NCK2: variants seen among roughly 807,000 people sequenced by gnomAD.
The protein encoded by NCK2 is cytoplasmic protein NCK2.
In NCK2, 16 loss-of-function variants were observed where a neutral mutation model predicts 33.9. The observed-to-expected ratio is 0.47, with a 90% confidence interval of 0.32 to 0.72. NCK2 has a LOEUF of 0.72. Ranked by LOEUF, NCK2 falls within the 30% of genes least tolerant of loss-of-function variation. NCK2 has a pLI of 0.03. For synonymous variants in NCK2, 273 were observed against 239.9 expected, an observed-to-expected ratio of 1.14 and a Z score of -1.27; for missense variants, 418 against 537.3, an observed-to-expected ratio of 0.78 and a Z score of 2.19.
At chr2:105,815,080 A>G (rs1338459703) in intron 1 of NCK2, among the ~76,000 whole-genome samples, 2 of 152,156 alleles carry the variant, frequency 1.3e-5, no homozygotes, top group African/African-American at 4.8e-5. Flanking sequence ...CAATACTTCC[A>G]TCTCGAGAGG....
At chr2:105,808,645 AGCGTCTTCAG>A (rs1675176064) in intron 1 of NCK2, among the ~76,000 whole-genome samples, 2 of 152,340 alleles carry the variant, frequency 1.3e-5, no homozygotes, top group South Asian at 4.1e-4. Flanking sequence ...TGGATCACCC[AGCGTCTTCAG>A]TGCATTGTCA....
chr2:105,852,657 T>A (rs1165174744), intron 2 of NCK2, among the ~76,000 whole-genome samples: 1 of 152,174 alleles, frequency 6.6e-6, no homozygotes. Context: ...CTTGTGGAAA[T>A]TGTGTAATTA....
At chr2:105,751,342 G>A (rs1190710268) in intron 1 of NCK2, among the ~76,000 whole-genome samples, 1 of 152,034 alleles carries the variant, frequency 6.6e-6, no homozygotes, top group Non-Finnish European at 1.5e-5. Flanking sequence ...GTTTCCCCTG[G>A]ACATCAAAAC....
intron 1 of NCK2, among the ~76,000 whole-genome samples, chr2:105,775,030 T>TATA (rs951063801): frequency 1.3e-5 from 2 of 151,802 alleles, no homozygotes; most frequent in Non-Finnish European, 2.9e-5. Flanking sequence ...ATAATAATAA[T>TATA]ATAATAATAA....
chr2:105,882,104 G>T, intron 4 of NCK2, 55 bp downstream of exon 4: 2 of 1,448,584 alleles, frequency 1.4e-6, no homozygotes, highest in Non-Finnish European at 1.8e-6. Flanking sequence ...GCCTTGCGCG[G>T]TGGGTCTGTG....
chr2:105,758,681 G>A (rs917901493), intron 1 of NCK2, among the ~76,000 whole-genome samples: 1 of 152,050 alleles, frequency 6.6e-6, no homozygotes, highest in Non-Finnish European at 1.5e-5. Flanking sequence ...GTGCTGGGAT[G>A]ACAGGTTTGA....
At chr2:105,835,700 C>G (rs910910138) in intron 2 of NCK2, among the ~76,000 whole-genome samples, 1 of 151,800 alleles carries the variant, frequency 6.6e-6, no homozygotes, top group Non-Finnish European at 1.5e-5. Context: ...CCTGCTATTA[C>G]TTTATTAAAG....
At chr2:105,883,001 C>A (rs1288092900) in intron 4 of NCK2, among the ~76,000 whole-genome samples, 1 of 152,148 alleles carries the variant, frequency 6.6e-6, no homozygotes, top group Non-Finnish European at 1.5e-5. Flanking sequence ...TTCAAGGGTC[C>A]TGTTGACTGA....
At chr2:105,823,132 CTGTGTGTGTGTGTGTGTG>C (rs10610689) in intron 2 of NCK2, among the ~76,000 whole-genome samples, 47 of 148,478 alleles carry the variant, frequency 3.2e-4, no homozygotes, top group Non-Finnish European at 4.5e-4. Flanking sequence ...TCCTCTCATG[CTGTGTGTGTGTGTGTGTG>C]TGTGTGTGTG....
rs180929484 is a variant in NCK2, at chr2:105,871,103, G to A, written c.227-10225G>A. ...GCCTGGAGGGTCGATGAGTGCGTGT[G>A]AAATCGGGGTGATGAGACAGCGAGT... On this transcript the variant is annotated intron_variant, in intron 3 of 4. Transcript: ENST00000233154. Among the ~76,000 whole-genome samples the A allele has an allele frequency of 4.8e-4, 73 of 152,278 alleles. 1 individual carries two copies. The highest frequency in any genetic ancestry group is 1.7e-3 in the African/African-American group (71 of 41,542).
chr2:105,794,608 G>C (rs1401875564), intron 1 of NCK2, among the ~76,000 whole-genome samples: 1 of 151,976 alleles, frequency 6.6e-6, no homozygotes, highest in Non-Finnish European at 1.5e-5. Context: ...ATTCCTCTCT[G>C]TACTTAAGCC....
chr2:105,815,046 T>G (rs1318382650), intron 1 of NCK2, among the ~76,000 whole-genome samples: 1 of 152,216 alleles, frequency 6.6e-6, no homozygotes, highest in Non-Finnish European at 1.5e-5. Context: ...CAAGAACTCT[T>G]GGTCAAGAAC....
At chr2:105,823,764 CTTCTCAGA>C (rs770579775) in intron 2 of NCK2, among the ~76,000 whole-genome samples, 1 of 152,074 alleles carries the variant, frequency 6.6e-6, no homozygotes, top group Non-Finnish European at 1.5e-5. Context: ...GCCTTCTCAG[CTTCTCAGA>C]GTCACACCTG....
intron 1 of NCK2, among the ~76,000 whole-genome samples, chr2:105,775,592 C>G (rs1690272232): frequency 6.6e-6 from 1 of 152,118 alleles, no homozygotes; most frequent in Non-Finnish European, 1.5e-5. Flanking sequence ...CTTAAATTGT[C>G]TACAGCTTCT....
intron 1 of NCK2, among the ~76,000 whole-genome samples, chr2:105,754,253 T>G (rs1405809260): frequency 6.6e-6 from 1 of 152,214 alleles, no homozygotes; most frequent in African/African-American, 2.4e-5. Context: ...AAAGAATTGT[T>G]TACTTCAACA....
At chr2:105,864,828 TACACACACACACACACACACACACAC>T (rs10524426) in intron 3 of NCK2, among the ~76,000 whole-genome samples, 20 of 144,464 alleles carry the variant, frequency 1.4e-4, no homozygotes, top group African/African-American at 4.8e-4. Context: ...CATGTGCATG[TACACACACACACACACACACACACAC>T]ACACACACAC....
At chr2:105,870,138 G>A (rs1677940021) in intron 3 of NCK2, among the ~76,000 whole-genome samples, 1 of 152,212 alleles carries the variant, frequency 6.6e-6, no homozygotes. Flanking sequence ...AGAGATGTTG[G>A]AAGACACTCG....
chr2:105,831,309 C>G (rs1353924064), intron 2 of NCK2, among the ~76,000 whole-genome samples: 1 of 152,018 alleles, frequency 6.6e-6, no homozygotes, highest in Non-Finnish European at 1.5e-5. Context: ...CGCAAAAGAA[C>G]CCTGAATAGC....
intron 1 of NCK2, among the ~76,000 whole-genome samples, chr2:105,784,161 TG>T (rs1279661593): frequency 2.0e-5 from 3 of 152,204 alleles, no homozygotes; most frequent in African/African-American, 7.2e-5. Context: ...TGGCGTGCAG[TG>T]GCGTCATCTC....
Sources: allele counts gnomAD v4.1 joint callset (sites outside exome capture counted in the v4.1 genomes callset), GRCh38; gene constraint gnomAD v4.1.1; transcripts MANE v1.5; gene names NCBI Gene and HGNC (gene_info 2026-07-23, HGNC 2026-07-21).